PAWR: variants seen among roughly 807,000 people sequenced by gnomAD.
PAWR encodes pro-apoptotic WT1 regulator.
In PAWR, 23 loss-of-function variants were observed where a neutral mutation model predicts 32.0. The observed-to-expected ratio is 0.72, with a 90% CI of 0.52 to 1.02. The LOEUF is 1.02. PAWR is among the 50% of genes least tolerant of loss of function. The pLI is 0.00. For synonymous variants in PAWR, 226 were observed against 187.1 expected, an observed-to-expected ratio of 1.21 and a Z score of -1.70; for missense variants, 457 against 437.7, an observed-to-expected ratio of 1.04 and a Z score of -0.39.
Position 79,678,868 on chromosome 12 carries a change from A to ATTTT in PAWR, c.516+10857_516+10860dup, listed in dbSNP as rs11383561. Among the ~76,000 whole-genome samples the ATTTT allele has an allele frequency of 5.5e-5, 7 of 127,820 alleles. 1 individual carries two copies. Among genetic ancestry groups the ATTTT allele is most frequent in the Non-Finnish European group, 7.9e-5 (5 of 63,560 alleles). 83.9% of individuals were successfully genotyped at this position (127,820 alleles called of 152,430 possible). On this transcript the variant is annotated intron_variant, in intron 2 of 6. Transcript: ENST00000328827. ...CTTAATTAATGGCTCCCTTTAGGGT[A>ATTTT]TTTTTTTTTTTTTTTTGGCGGGGGT...
Position 79,655,521 on chromosome 12 carries a change from G to A in PAWR, c.516+34208C>T, listed in dbSNP as rs8176816. On this transcript the variant is annotated intron_variant, in intron 2 of 6. Coordinates refer to ENST00000328827, the MANE Select transcript of PAWR (RefSeq NM_002583.4). ...ACCTACACCAAAGGATTAAATACTG[G>A]TCATCAGTTTCCCAGGTGATTTTAA... Among the ~76,000 whole-genome samples the A allele has an allele frequency of 2.0e-3, 312 of 152,256 alleles. 1 individual carries two copies. Among genetic ancestry groups the A allele is most frequent in the Middle Eastern group, 0.01 (3 of 294 alleles).
At chr12:79,682,220 C>T (rs887099359) in intron 2 of PAWR, among the ~76,000 whole-genome samples, 3 of 152,086 alleles carry the variant, frequency 2.0e-5, no homozygotes, top group Non-Finnish European at 1.5e-5. Flanking sequence ...TGAGCAGTCA[C>T]GGCTCACTGC....
chr12:79,652,308 T>G (rs1876887539), intron 2 of PAWR, among the ~76,000 whole-genome samples: 1 of 152,174 alleles, frequency 6.6e-6, no homozygotes, highest in African/African-American at 2.4e-5. Context: ...AGCAATTAAG[T>G]TTACAACTGA....
At chr12:79,676,420 A>G (rs1878169565) in intron 2 of PAWR, among the ~76,000 whole-genome samples, 1 of 152,036 alleles carries the variant, frequency 6.6e-6, no homozygotes, top group African/African-American at 2.4e-5. Flanking sequence ...CCAACTGAAG[A>G]CACTAACAGT....
At chr12:79,604,906 A>C (rs1209304223) in intron 4 of PAWR, among the ~76,000 whole-genome samples, 1 of 152,214 alleles carries the variant, frequency 6.6e-6, no homozygotes, top group African/African-American at 2.4e-5. Flanking sequence ...TTAACATTTT[A>C]TAACATATTA....
At chr12:79,604,351 G>A (rs1214142254) in intron 4 of PAWR, 2 of 1,005,082 alleles carry the variant, frequency 2.0e-6, no homozygotes, top group East Asian at 1.1e-4. Context: ...TTCCCCCTCT[G>A]GGAATTTTCG....
chr12:79,685,404 G>A (rs1004380345), intron 2 of PAWR, among the ~76,000 whole-genome samples: 2 of 152,182 alleles, frequency 1.3e-5, no homozygotes, highest in Non-Finnish European at 2.9e-5. Context: ...AGTTTACTAA[G>A]TGGAACTTGT....
chr12:79,690,369 C>A lies in PAWR; in HGVS notation c.-125G>T. On this transcript the variant is annotated 5_prime_UTR_variant, in exon 2 of 7. Coordinates refer to ENST00000328827, the MANE Select transcript of PAWR (RefSeq NM_002583.4). ...CGACCTCCAGGAGAGGGACGGCCGC[C>A]GCTCCCACAGCAGCCGGCGGGGCTG... is the stretch of plus-strand genomic sequence containing the variant. 7.4e-7 allele frequency: 1 copy of A among 1,347,072 alleles called. No individual in the cohort carries two copies. The highest frequency in any genetic ancestry group is 1.5e-5 in the African/African-American group (1 of 65,060). The allele number at this position is 1,347,072 out of a possible 1,614,324, so 83.4% of individuals were successfully genotyped here.
chr12:79,645,679 T>TA (rs1230393135), intron 2 of PAWR, among the ~76,000 whole-genome samples: 7 of 152,202 alleles, frequency 4.6e-5, no homozygotes, highest in Non-Finnish European at 1.0e-4. Context: ...GTTATACATC[T>TA]AAAACTCATA....
chr12:79,618,004 T>C (rs1006839643), intron 3 of PAWR, among the ~76,000 whole-genome samples: 1 of 152,224 alleles, frequency 6.6e-6, no homozygotes, highest in Non-Finnish European at 1.5e-5. Context: ...CATGCTTGTG[T>C]AGCCTGTAGA....
chr12:79,656,281 A>T (rs1351804657), intron 2 of PAWR, among the ~76,000 whole-genome samples: 3 of 152,254 alleles, frequency 2.0e-5, no homozygotes, highest in Non-Finnish European at 4.4e-5. Context: ...AGAGCAGACT[A>T]GAGGCAGATA....
intron 2 of PAWR, among the ~76,000 whole-genome samples, chr12:79,650,714 TAAAAAAA>T (rs34166197): frequency 8.8e-6 from 1 of 113,074 alleles, no homozygotes; most frequent in African/African-American, 3.4e-5. Flanking sequence ...TAAAGGTTAT[TAAAAAAA>T]AAAAAAAAAA....
chr12:79,616,289 T>C (rs1382330708), intron 3 of PAWR, among the ~76,000 whole-genome samples: 3 of 152,110 alleles, frequency 2.0e-5, no homozygotes, highest in African/African-American at 7.2e-5. Flanking sequence ...TTGGTTATAT[T>C]TGAAATATCT....
At chr12:79,617,404 T>C (rs193033279) in intron 3 of PAWR, among the ~76,000 whole-genome samples, 15 of 152,210 alleles carry the variant, frequency 9.9e-5, no homozygotes, top group Non-Finnish European at 1.9e-4. Flanking sequence ...CCACACTGGA[T>C]AGATTATACC....
At chr12:79,664,476 T>A (rs942406098) in intron 2 of PAWR, among the ~76,000 whole-genome samples, 29 of 152,266 alleles carry the variant, frequency 1.9e-4, no homozygotes, top group African/African-American at 5.8e-4. Flanking sequence ...GTTTTTATAC[T>A]AAACCTATAT....
At chr12:79,640,666 TG>T (rs1242048745) in intron 2 of PAWR, among the ~76,000 whole-genome samples, 1 of 151,872 alleles carries the variant, frequency 6.6e-6, no homozygotes, top group Non-Finnish European at 1.5e-5. Flanking sequence ...ACTTGGGCCC[TG>T]GAAGTCCAGG....
At chr12:79,603,738 C>T (rs901002086) in intron 4 of PAWR, 5 of 145,324 alleles carry the variant, frequency 3.4e-5, no homozygotes, top group Non-Finnish European at 6.0e-5. Flanking sequence ...AGTGCAATGC[C>T]ACTATTTTGG....
chr12:79,682,511 C>A (rs1195584853), intron 2 of PAWR, among the ~76,000 whole-genome samples: 1 of 152,180 alleles, frequency 6.6e-6, no homozygotes, highest in Non-Finnish European at 1.5e-5. Context: ...CTGTGACCCA[C>A]AAAATTTTGC....
chr12:79,622,442 C>T (rs755261318), intron 2 of PAWR, among the ~76,000 whole-genome samples: 15 of 152,140 alleles, frequency 9.9e-5, no homozygotes, highest in South Asian at 2.1e-4. Context: ...TATCTCCTAA[C>T]GCTATCCCTC....
Sources: allele counts gnomAD v4.1 joint callset (sites outside exome capture counted in the v4.1 genomes callset), GRCh38; gene constraint gnomAD v4.1.1; transcripts MANE v1.5; gene names NCBI Gene and HGNC (gene_info 2026-07-23, HGNC 2026-07-21).